RNF220: variants seen among roughly 807,000 people sequenced by gnomAD.
RNF220 encodes the protein E3 ubiquitin-protein ligase RNF220.
RNF220 carries 7 observed loss-of-function variants against 67.1 expected under a neutral mutation model. That is an observed-to-expected ratio of 0.10 (90% confidence interval 0.06 to 0.20). The LOEUF is 0.20. RNF220 is among the 10% of genes least tolerant of loss of function. The pLI is 1.00. For missense variants in RNF220, 565 were observed against 740.3 expected, an observed-to-expected ratio of 0.76 and a Z score of 2.75; for synonymous variants, 270 against 283.2, an observed-to-expected ratio of 0.95 and a Z score of 0.47.
chr1:44,489,972 G>A (rs1315901007), intron 2 of RNF220, among the ~76,000 whole-genome samples: 8 of 152,102 alleles, frequency 5.3e-5, no homozygotes, highest in African/African-American at 1.2e-4. Flanking sequence ...CTGCTCAGTC[G>A]TTATCCCTAT....
chr1:44,650,135 C>CA lies in RNF220; in HGVS notation c.1629+180dup. ...CCCCAGGCTCGCTGCCTCTCCTCCC[C>CA]AACTGCAGGTTTAGGAACTTCTCCC... On this transcript the variant is annotated intron_variant, in intron 14 of 14. Transcript: ENST00000361799. The surrounding 1 kb of genome is among the most constrained non-coding windows in gnomAD (Gnocchi z 4.3). 1.5e-6 allele frequency: 1 copy of CA among 653,708 alleles called. No individual in the cohort carries two copies. Among genetic ancestry groups the CA allele is most frequent in the Non-Finnish European group, 2.6e-6 (1 of 384,620 alleles). 40.5% of individuals were successfully genotyped at this position (653,708 alleles called of 1,614,324 possible).
intron 2 of RNF220, among the ~76,000 whole-genome samples, chr1:44,530,149 T>A (rs1363627695): frequency 2.6e-5 from 4 of 152,148 alleles, no homozygotes; most frequent in African/African-American, 9.7e-5. Context: ...AAAAGTTGCA[T>A]GAGTATAGCA....
intron 12 of RNF220, among the ~76,000 whole-genome samples, chr1:44,646,662 G>T (rs1352036066): frequency 2.6e-5 from 4 of 152,206 alleles, no homozygotes; most frequent in Admixed American, 2.6e-4. Flanking sequence ...AGGGGGAGGT[G>T]GGGGCAGAGC....
chr1:44,637,264 G>A lies in RNF220; in HGVS notation c.1126+1102G>A, dbSNP rs530950081. ...CAGATGAGACATTATGCCTCTGGGC[G>A]TCTCTCACATTACCCAGGTGTTTGG... On this transcript the variant is annotated intron_variant, in intron 8 of 14. Coordinates refer to ENST00000361799, the MANE Select transcript of RNF220 (RefSeq NM_018150.4). Among the ~76,000 whole-genome samples the A allele has an allele frequency of 9.2e-5, 14 of 152,330 alleles. No homozygotes were observed. The South Asian group carries it at 2.7e-3, about 29-fold the overall frequency.
chr1:44,612,316 G>A (rs1043733230), intron 2 of RNF220, among the ~76,000 whole-genome samples: 1 of 152,168 alleles, frequency 6.6e-6, no homozygotes, highest in Non-Finnish European at 1.5e-5. Flanking sequence ...GATATAAATT[G>A]TCTATAAATA....
intron 2 of RNF220, among the ~76,000 whole-genome samples, chr1:44,612,705 A>C (rs1328879015): frequency 6.6e-6 from 1 of 152,202 alleles, no homozygotes; most frequent in Non-Finnish European, 1.5e-5. Context: ...ATTCTAGAAA[A>C]TGATAAATAA....
intron 2 of RNF220, among the ~76,000 whole-genome samples, chr1:44,596,556 T>C (rs1666504773): frequency 6.7e-6 from 1 of 148,450 alleles, no homozygotes; most frequent in Non-Finnish European, 1.5e-5. Flanking sequence ...CAAGATTCTG[T>C]CTCCAAAAAA....
chr1:44,650,961 T>G lies in RNF220; in HGVS notation c.*186T>G. The G allele has an allele frequency of 3.4e-6, 2 of 594,762 alleles. No homozygotes were observed. The highest frequency in any genetic ancestry group is 3.1e-6 in the Non-Finnish European group (1 of 325,002). The allele number at this position is 594,762 out of a possible 1,614,324, so 36.8% of individuals were successfully genotyped here. A position where few individuals can be genotyped will look rare whatever the true frequency, so the allele number is the denominator to read the frequency against. ...GACTCTGGAGCCAGAGTAGAGGCTG[T>G]GGCCCAGGCACTACCTGCTGGCTCC... On this transcript the variant is annotated 3_prime_UTR_variant, in exon 15 of 15. Coordinates refer to ENST00000361799, the MANE Select transcript of RNF220 (RefSeq NM_018150.4). The surrounding 1 kb of genome is among the most constrained non-coding windows in gnomAD (Gnocchi z 4.3).
intron 2 of RNF220, among the ~76,000 whole-genome samples, chr1:44,518,281 C>G (rs1659617347): frequency 6.6e-6 from 1 of 151,848 alleles, no homozygotes; most frequent in African/African-American, 2.4e-5. Context: ...AAAAAATAAG[C>G]CAGAGCAGTG....
At chr1:44,440,962 T>A (rs1468157574) in intron 2 of RNF220, among the ~76,000 whole-genome samples, 1 of 152,118 alleles carries the variant, frequency 6.6e-6, no homozygotes, top group Non-Finnish European at 1.5e-5. Context: ...AACCCTCAGA[T>A]CAGGACTGCA....
intron 2 of RNF220, among the ~76,000 whole-genome samples, chr1:44,525,977 A>T (rs1290160211): frequency 1.3e-5 from 2 of 152,138 alleles, no homozygotes; most frequent in African/African-American, 4.8e-5. Context: ...TCCCTGGACC[A>T]TTCCTAATTT....
intron 2 of RNF220, among the ~76,000 whole-genome samples, chr1:44,522,671 T>C (rs1175260587): frequency 6.6e-6 from 1 of 152,104 alleles, no homozygotes; most frequent in Admixed American, 6.5e-5. Flanking sequence ...CGGGGGGACC[T>C]TCTGTGCTTG....
chr1:44,417,671 A>G lies in RNF220; in HGVS notation c.625+4949A>G, dbSNP rs1457101348. On this transcript the variant is annotated intron_variant, in intron 2 of 14. Transcript: ENST00000361799. This position sits in a 1 kb window ranked among gnomAD's most constrained non-coding sequence, Gnocchi z 4.0. Reference sequence around the variant, plus strand: ...TCCCATCAATTGTCATGCAGAAGTGATCCGGGCTGCCGTTTTCTCGCGGCC... The same window carrying G: ...TCCCATCAATTGTCATGCAGAAGTGGTCCGGGCTGCCGTTTTCTCGCGGCC... Among the ~76,000 whole-genome samples, 1 of 151,942 alleles carries G rather than the reference A, an allele frequency of 6.6e-6. No homozygotes were observed. Among genetic ancestry groups the G allele is most frequent in the African/African-American group, 2.4e-5 (1 of 41,372 alleles).
chr1:44,545,236 C>A (rs971507808), intron 2 of RNF220, among the ~76,000 whole-genome samples: 1 of 152,204 alleles, frequency 6.6e-6, no homozygotes, highest in African/African-American at 2.4e-5. Context: ...GAGAGAAGAG[C>A]TGACGGGACA....
At chr1:44,643,665 C>A (rs1644551002) in intron 8 of RNF220, 1 of 152,196 alleles carries the variant, frequency 6.6e-6, no homozygotes, top group African/African-American at 2.4e-5. Flanking sequence ...CAGGCAGATA[C>A]TAAGCTGCTT....
At chr1:44,580,316 C>T (rs1025274690) in intron 2 of RNF220, among the ~76,000 whole-genome samples, 1 of 152,006 alleles carries the variant, frequency 6.6e-6, no homozygotes, top group African/African-American at 2.4e-5. Context: ...ATGTTCTCAG[C>T]AGAATAGAAC....
Position 44,405,413 on chromosome 1 carries a change from G to T in RNF220, c.-235G>T. The T allele has an allele frequency of 1.6e-6, 1 of 634,282 alleles. No individual in the cohort carries two copies. Among genetic ancestry groups the T allele is most frequent in the South Asian group, 1.7e-5 (1 of 60,336 alleles). The allele number at this position is 634,282 out of a possible 1,614,324, so 39.3% of individuals were successfully genotyped here. On this transcript the variant is annotated 5_prime_UTR_variant, in exon 1 of 15. Coordinates refer to ENST00000361799, the MANE Select transcript of RNF220 (RefSeq NM_018150.4). ...TGCTGCTGCCGCTGCCGCCGCCGCC[G>T]CCGCCGCTGCCTCCGCCGGCTCTGC...
chr1:44,474,315 C>T (rs1272291568), intron 2 of RNF220, among the ~76,000 whole-genome samples: 1 of 151,300 alleles, frequency 6.6e-6, no homozygotes, highest in Non-Finnish European at 1.5e-5. Context: ...GCGGAGGTTG[C>T]AGTAAGCCGA....
At chr1:44,563,785 AC>A (rs1422552875) in intron 2 of RNF220, among the ~76,000 whole-genome samples, 3 of 152,180 alleles carry the variant, frequency 2.0e-5, no homozygotes, top group Admixed American at 1.3e-4. Context: ...GGACAGACTT[AC>A]GTCCGTGTTC....
Sources: allele counts gnomAD v4.1 joint callset (sites outside exome capture counted in the v4.1 genomes callset), GRCh38; gene constraint gnomAD v4.1.1; non-coding constraint Gnocchi (gnomAD v3.1); transcripts MANE v1.5; gene names NCBI Gene and HGNC (gene_info 2026-07-23, HGNC 2026-07-21).